The following SCAPER variants were observed in gnomAD, a reference collection of about 807,000 sequenced individuals.
SCAPER encodes S phase cyclin A-associated protein in the endoplasmic reticulum.
SCAPER carries 98 observed loss-of-function variants against 182.2 expected under a neutral mutation model. The ratio of observed to expected loss-of-function variants is 0.54; its 90% CI spans 0.46 to 0.64. The LOEUF (loss-of-function observed/expected upper bound fraction) is 0.64. Among genes scored for constraint, SCAPER ranks in the 30% least tolerant of loss-of-function variants. The pLI, the probability that SCAPER is intolerant of heterozygous loss-of-function variation, is 0.00. For missense variants in SCAPER, 1,432 were observed against 1,690.0 expected (o/e 0.85, Z 2.68); for synonymous variants, 605 against 564.6 (o/e 1.07, Z -1.01).
rs569279762 is a variant in SCAPER, at chr15:76,523,326, A to T, written c.2839-18352T>A. ...CAAAACTCCATGATACTAAGTTTGG[A>T]TATGCCACATTTTTGTTTCTCAAAC... is the stretch of plus-strand genomic sequence containing the variant. On this transcript the variant is annotated intron_variant, in intron 23 of 31. Transcript: ENST00000563290. 8.5e-5 allele frequency among the ~76,000 whole-genome samples: 13 copies of T among 152,228 alleles called. No homozygotes were observed. In the South Asian group the frequency reaches 2.7e-3, roughly 32 times the overall value.
At chr15:76,764,054 T>C (rs1447577576) in intron 14 of SCAPER, among the ~76,000 whole-genome samples, 15 of 152,206 alleles carry the variant, frequency 9.9e-5, no homozygotes, top group Admixed American at 9.8e-4. Context: ...TTGCTGTCTA[T>C]GCACTTAAAG....
Position 76,765,469 on chromosome 15 carries a change from A to C in SCAPER, c.1496-15T>G. 1 of 1,612,512 alleles carries C rather than the reference A, an allele frequency of 6.2e-7. No homozygotes were observed. Among genetic ancestry groups the C allele is most frequent in the Non-Finnish European group, 8.5e-7 (1 of 1,178,856 alleles). On this transcript the variant is annotated splice_polypyrimidine_tract_variant and intron_variant, in intron 12 of 31. Coordinates refer to ENST00000563290, the MANE Select transcript of SCAPER (RefSeq NM_020843.4). ...AGACTCACGAGCTGTTCAGAAAAAA[A>C]TACTATTATTGTTTAGCCACATAGG... is the stretch of plus-strand genomic sequence containing the variant.
At chr15:76,734,763 C>T (rs1290400855) in intron 15 of SCAPER, among the ~76,000 whole-genome samples, 1 of 152,088 alleles carries the variant, frequency 6.6e-6, no homozygotes, top group Non-Finnish European at 1.5e-5. Flanking sequence ...ATCCCAGCTA[C>T]TCAGGAGGCT....
At chr15:76,437,444 G>A (rs1272480671) in intron 25 of SCAPER, among the ~76,000 whole-genome samples, 8 of 152,058 alleles carry the variant, frequency 5.3e-5, no homozygotes, top group Non-Finnish European at 1.0e-4. Context: ...TAGAATATTA[G>A]TAAGGCCTCT....
chr15:76,653,823 A>C (rs1381633559), intron 21 of SCAPER, among the ~76,000 whole-genome samples: 1 of 152,224 alleles, frequency 6.6e-6, no homozygotes, highest in East Asian at 1.9e-4. Flanking sequence ...AGTCCCTAAA[A>C]GCAATTGCAA....
intron 21 of SCAPER, among the ~76,000 whole-genome samples, chr15:76,660,512 T>C (rs985476302): frequency 5.9e-5 from 9 of 152,120 alleles, no homozygotes; most frequent in African/African-American, 1.9e-4. Flanking sequence ...AAAAACATGG[T>C]TTTAGGTTGT....
At chr15:76,360,678 C>A (rs1004742741) in intron 29 of SCAPER, among the ~76,000 whole-genome samples, 1 of 151,740 alleles carries the variant, frequency 6.6e-6, no homozygotes, top group Non-Finnish European at 1.5e-5. Context: ...TAAACTAACA[C>A]AAAAGACTTT....
At position 76,795,418 on chromosome 15, in the gene SCAPER, C is replaced by A. The variant is rs763435756; in HGVS notation, c.634G>T (p.Ala212Ser). The A allele has an allele frequency of 1.2e-6, 2 of 1,603,764 alleles. No homozygotes were observed. Among genetic ancestry groups the A allele is most frequent in the Non-Finnish European group, 1.7e-6 (2 of 1,174,416 alleles). ...ACACCTGTGGGAGCCAGACGAGGAGCTGGCACTGTGCCAGTTGAACCTCTA... is the reference window on the plus strand; with the variant it reads ...ACACCTGTGGGAGCCAGACGAGGAGATGGCACTGTGCCAGTTGAACCTCTA... ...NFGGSTGTVP[A>S]PRLAPTGVSW... Residue 212 changes from alanine (A) to serine (S), a missense_variant, in exon 8 of 32, where the codon GCT becomes TCT. By Grantham distance (99) the Ala-to-Ser change is moderately conservative. This residue lies in a region of SCAPER where 480 missense variants were observed against 510.2 expected (regional missense o/e 0.94). Transcript: ENST00000563290.
At chr15:76,820,467 T>C (rs1017375021) in intron 5 of SCAPER, among the ~76,000 whole-genome samples, 1 of 152,020 alleles carries the variant, frequency 6.6e-6, no homozygotes, top group African/African-American at 2.4e-5. Flanking sequence ...GAAACCATCA[T>C]TCTCAGCAAA....
intron 5 of SCAPER, among the ~76,000 whole-genome samples, chr15:76,818,803 G>A (rs1346464955): frequency 6.6e-6 from 1 of 152,224 alleles, no homozygotes; most frequent in Non-Finnish European, 1.5e-5. Flanking sequence ...GCCTCACCAG[G>A]GAAGCCCAAG....
At chr15:76,689,717 G>A (rs888418507) in intron 20 of SCAPER, among the ~76,000 whole-genome samples, 15 of 150,810 alleles carry the variant, frequency 9.9e-5, no homozygotes, top group African/African-American at 3.2e-4. Context: ...GCTCCTTGGA[G>A]AAGTGGCTGA....
intron 23 of SCAPER, among the ~76,000 whole-genome samples, chr15:76,548,550 G>T (rs1180163258): frequency 3.9e-5 from 6 of 152,192 alleles, no homozygotes; most frequent in African/African-American, 1.2e-4. Flanking sequence ...TTATCTTGGG[G>T]TAAACACTGC....
At chr15:76,556,974 C>T (rs1016894802) in intron 23 of SCAPER, among the ~76,000 whole-genome samples, 10 of 152,122 alleles carry the variant, frequency 6.6e-5, no homozygotes, top group Admixed American at 5.2e-4. Context: ...CAACATCCCA[C>T]ATGAAAGCCA....
At chr15:76,610,023 G>C (rs2050838573) in intron 22 of SCAPER, among the ~76,000 whole-genome samples, 1 of 152,074 alleles carries the variant, frequency 6.6e-6, no homozygotes, top group African/African-American at 2.4e-5. Flanking sequence ...GGCAGGGCTT[G>C]GTAAAAACGG....
At chr15:76,567,442 A>T (rs780103491) in intron 23 of SCAPER, 13 of 413,154 alleles carry the variant, frequency 3.1e-5, no homozygotes, top group African/African-American at 2.3e-4. Context: ...CTACAAATTT[A>T]GTAGACAACA....
At position 76,732,256 on chromosome 15, in the gene SCAPER, C is replaced by T. The variant is rs143465654; in HGVS notation, c.2022+973G>A. ...CAAGGCAAGAGACCGAGGGCATGAG[C>T]TGTTCCAGTATAATAAAATATACAA... On this transcript the variant is annotated intron_variant, in intron 16 of 31. Coordinates refer to ENST00000563290, the MANE Select transcript of SCAPER (RefSeq NM_020843.4). Among the ~76,000 whole-genome samples, 1,238 of 152,170 alleles carry T rather than the reference C, an allele frequency of 8.1e-3. 13 individuals are homozygous for T. Among genetic ancestry groups the T allele is most frequent in the African/African-American group, 0.028 (1,175 of 41,512 alleles).
At chr15:76,418,320 G>A (rs2045798985) in intron 26 of SCAPER, among the ~76,000 whole-genome samples, 1 of 152,186 alleles carries the variant, frequency 6.6e-6, no homozygotes, top group South Asian at 2.1e-4. Context: ...ACTTCTTACA[G>A]GGAAAAAGTA....
chr15:76,674,067 A>G (rs1467584479), intron 20 of SCAPER, among the ~76,000 whole-genome samples: 1 of 152,114 alleles, frequency 6.6e-6, no homozygotes, highest in Non-Finnish European at 1.5e-5. Context: ...AAAAATGTGT[A>G]CTGACTTACA....
Position 76,568,190 on chromosome 15 carries a change from C to CATATATATATAT in SCAPER, c.2838+5956_2838+5967dup, listed in dbSNP as rs60959582. Among the ~76,000 whole-genome samples the CATATATATATAT allele has an allele frequency of 2.5e-3, 350 of 138,608 alleles. 4 individuals carry two copies. The highest frequency in any genetic ancestry group is 8.6e-3 in the African/African-American group (286 of 33,272). 90.9% of individuals were successfully genotyped at this position (138,608 alleles called of 152,430 possible). ...AGTACCTCACATGTCATGGATCAAG[C>CATATATATATAT]ATATATATATATATATATATATATA... On this transcript the variant is annotated intron_variant, in intron 23 of 31. Coordinates refer to ENST00000563290, the MANE Select transcript of SCAPER (RefSeq NM_020843.4).
Sources: allele counts gnomAD v4.1 joint callset (sites outside exome capture counted in the v4.1 genomes callset), GRCh38; gene constraint gnomAD v4.1.1; regional missense constraint gnomAD v4.1.1; transcripts MANE v1.5; gene names NCBI Gene and HGNC (gene_info 2026-07-23, HGNC 2026-07-21).